The following EFNA5 variants were observed in gnomAD, a reference collection of about 807,000 sequenced individuals.
EFNA5 encodes ephrin-A5.
Under a neutral mutation model 22.9 loss-of-function variants are expected in EFNA5, and 5 were observed. The ratio of observed to expected loss-of-function variants is 0.22; its 90% CI spans 0.11 to 0.46. The LOEUF is 0.46. EFNA5 is among the 20% of genes least tolerant of loss of function. EFNA5 has a pLI of 0.99. For missense variants in EFNA5, 237 were observed against 293.3 expected, an observed-to-expected ratio of 0.81 and a Z score of 1.40; for synonymous variants, 113 against 112.2, an observed-to-expected ratio of 1.01 and a Z score of -0.04.
At chr5:107,545,351 T>G (rs750834163) in intron 1 of EFNA5, among the ~76,000 whole-genome samples, 8 of 152,156 alleles carry the variant, frequency 5.3e-5, no homozygotes, top group Non-Finnish European at 7.4e-5. Context: ...ATGAAATTGG[T>G]TTTCTACCAA....
Position 107,611,447 on chromosome 5 carries a change from G to A in EFNA5, c.125+59042C>T, listed in dbSNP as rs545734454. ...CACGGGAAACAAGGTAAAACGGTTC[G>A]CTCAAGTCTTGCCTTAGCGTATTCC... On this transcript the variant is annotated intron_variant, in intron 1 of 4. Transcript: ENST00000333274. Among the ~76,000 whole-genome samples the A allele has an allele frequency of 1.7e-3, 258 of 152,260 alleles. 1 individual carries two copies. Among genetic ancestry groups the A allele is most frequent in the African/African-American group, 5.9e-3 (246 of 41,546 alleles).
rs950722380 is a variant in EFNA5 at position 107,523,296 on chromosome 5, C to CT, written c.126-95788dup. Among the ~76,000 whole-genome samples the CT allele has an allele frequency of 4.2e-3, 612 of 146,288 alleles. 8 individuals carry two copies. Among genetic ancestry groups the CT allele is most frequent in the African/African-American group, 0.014 (572 of 40,108 alleles). ...TATGAAAATCAGAAATATGTGCTTC[C>CT]TTTTTTTTTTTAAGAAATAGTCTCA... On this transcript the variant is annotated intron_variant, in intron 1 of 4. Transcript: ENST00000333274.
chr5:107,644,209 G>A (rs1457994953), intron 1 of EFNA5, among the ~76,000 whole-genome samples: 1 of 152,052 alleles, frequency 6.6e-6, no homozygotes, highest in African/African-American at 2.4e-5. Context: ...CAATACAGGG[G>A]ATGACTTCTT....
chr5:107,492,889 T>C (rs992621972), intron 1 of EFNA5, among the ~76,000 whole-genome samples: 5 of 151,782 alleles, frequency 3.3e-5, no homozygotes. Flanking sequence ...ATCCCAACTA[T>C]TCAGGAGGCT....
intron 1 of EFNA5, among the ~76,000 whole-genome samples, chr5:107,455,278 A>C (rs1749667833): frequency 1.3e-5 from 2 of 152,132 alleles, no homozygotes; most frequent in Non-Finnish European, 2.9e-5. Context: ...CAAATGATTG[A>C]CTGAAATTAA....
chr5:107,444,854 T>C (rs1401502732), intron 1 of EFNA5, among the ~76,000 whole-genome samples: 1 of 152,192 alleles, frequency 6.6e-6, no homozygotes, highest in Non-Finnish European at 1.5e-5. Context: ...CAAAGAATGC[T>C]TGATTTCCTG....
chr5:107,629,230 T>C (rs887336347), intron 1 of EFNA5, among the ~76,000 whole-genome samples: 10 of 152,210 alleles, frequency 6.6e-5, no homozygotes, highest in South Asian at 2.1e-4. Flanking sequence ...AAAATATTAA[T>C]AAATGATTAC....
chr5:107,466,571 T>G (rs181450995), intron 1 of EFNA5, among the ~76,000 whole-genome samples: 8 of 152,294 alleles, frequency 5.3e-5, no homozygotes, highest in African/African-American at 1.7e-4. Flanking sequence ...GCATGAGGAA[T>G]GTTCTCGCGA....
intron 1 of EFNA5, among the ~76,000 whole-genome samples, chr5:107,551,141 A>T (rs1158038692): frequency 6.6e-6 from 1 of 152,212 alleles, no homozygotes; most frequent in Non-Finnish European, 1.5e-5. Flanking sequence ...TAGTACCATC[A>T]TCATCTTTTT....
chr5:107,592,519 G>A (rs1452602610), intron 1 of EFNA5, among the ~76,000 whole-genome samples: 1 of 151,928 alleles, frequency 6.6e-6, no homozygotes, highest in Non-Finnish European at 1.5e-5. Context: ...CTCAAACTAG[G>A]CTTCTAAAAT....
chr5:107,476,735 T>TTCTC (rs34563371), intron 1 of EFNA5, among the ~76,000 whole-genome samples: 37,968 of 148,066 alleles, frequency 0.26, 5,177 homozygotes, highest in Middle Eastern at 0.36. Flanking sequence ...TTTTTTCTCT[T>TTCTC]TCTCTCTCTC....
rs535078915 is a variant in EFNA5 at position 107,610,823 on chromosome 5, G to A, written c.125+59666C>T. Among the ~76,000 whole-genome samples the A allele has an allele frequency of 3.9e-5, 6 of 152,096 alleles. 1 individual carries two copies. Among genetic ancestry groups the A allele is most frequent in the African/African-American group, 1.2e-4 (5 of 41,480 alleles). On this transcript the variant is annotated intron_variant, in intron 1 of 4. Coordinates refer to ENST00000333274, the MANE Select transcript of EFNA5 (RefSeq NM_001962.3). ...CTAGCAGCCCTGAGCCTTCCATAGC[G>A]GCACGGAGGCATAGGCACATATTCA...
intron 1 of EFNA5, among the ~76,000 whole-genome samples, chr5:107,572,483 G>A (rs1748835037): frequency 6.6e-6 from 1 of 152,168 alleles, no homozygotes; most frequent in Non-Finnish European, 1.5e-5. Flanking sequence ...GGAGGAGGGG[G>A]CCGCCAAAGG....
intron 1 of EFNA5, among the ~76,000 whole-genome samples, chr5:107,502,079 GGCTGTTA>G (rs1341091958): frequency 2.0e-5 from 3 of 152,090 alleles, no homozygotes; most frequent in Non-Finnish European, 2.9e-5. Flanking sequence ...ACCAACCTGC[GGCTGTTA>G]GCAATGAGGA....
intron 1 of EFNA5, among the ~76,000 whole-genome samples, chr5:107,500,217 C>T (rs763546656): frequency 1.3e-5 from 2 of 152,134 alleles, no homozygotes; most frequent in African/African-American, 2.4e-5. Flanking sequence ...ATTATTTGTT[C>T]CCTGGAACTA....
At chr5:107,635,300 A>C (rs1325512723) in intron 1 of EFNA5, among the ~76,000 whole-genome samples, 3 of 152,330 alleles carry the variant, frequency 2.0e-5, no homozygotes, top group East Asian at 3.9e-4. Context: ...CCAACTCCTT[A>C]TAATTTTTAG....
intron 1 of EFNA5, among the ~76,000 whole-genome samples, chr5:107,453,021 G>C (rs568126172): frequency 1.3e-5 from 2 of 151,906 alleles, no homozygotes; most frequent in African/African-American, 4.8e-5. Context: ...AGAATAATAA[G>C]CCCTGCATTG....
intron 1 of EFNA5, among the ~76,000 whole-genome samples, chr5:107,435,177 T>G (rs1749075150): frequency 6.6e-6 from 1 of 152,210 alleles, no homozygotes; most frequent in South Asian, 2.1e-4. Flanking sequence ...GGGTTTGGTT[T>G]ATAAATATGT....
chr5:107,611,255 C>T (rs895001028), intron 1 of EFNA5, among the ~76,000 whole-genome samples: 1 of 152,028 alleles, frequency 6.6e-6, no homozygotes, highest in Non-Finnish European at 1.5e-5. Flanking sequence ...CTACAAAAAT[C>T]GTATCACAGA....
Sources: gnomAD v4.1 joint callset for allele counts (sites outside exome capture counted in the v4.1 genomes callset) on GRCh38, gnomAD v4.1.1 for gene constraint, MANE v1.5 for transcripts, NCBI Gene and HGNC (gene_info 2026-07-23, HGNC 2026-07-21) for gene names.